PTPN3: variants seen among roughly 807,000 people sequenced by gnomAD.
PTPN3 encodes tyrosine-protein phosphatase non-receptor type 3.
PTPN3 carries 96 observed loss-of-function variants against 132.7 expected under a neutral mutation model. The observed-to-expected ratio is 0.72, with a 90% CI of 0.61 to 0.86. The LOEUF is 0.86. Ranked by LOEUF, PTPN3 falls within the 40% of genes least tolerant of loss-of-function variation. The pLI is 0.00. For synonymous variants in PTPN3, 398 were observed against 429.0 expected (o/e 0.93, Z 0.89); for missense variants, 1,125 against 1,159.6 (o/e 0.97, Z 0.43).
chr9:109,410,999 G>T (rs1343356303), intron 14 of PTPN3, among the ~76,000 whole-genome samples: 1 of 152,160 alleles, frequency 6.6e-6, no homozygotes, highest in African/African-American at 2.4e-5. Context: ...TCTGTATCGT[G>T]GAGCTGCACT....
At chr9:109,530,785 T>C in the PTPN3 span, among the ~76,000 whole-genome samples, 1 of 152,194 alleles carries the variant, frequency 6.6e-6, no homozygotes, top group Non-Finnish European at 1.5e-5. Flanking sequence ...TGATATCTCA[T>C]TGTGGTTTTG....
intron 1 of PTPN3, among the ~76,000 whole-genome samples, chr9:109,463,733 T>G (rs1845962073): frequency 6.6e-6 from 1 of 152,236 alleles, no homozygotes; most frequent in Non-Finnish European, 1.5e-5. Context: ...GGCTTTTAAA[T>G]TTTTATTTAT....
At chr9:109,517,105 G>T in the PTPN3 span, among the ~76,000 whole-genome samples, 1 of 152,128 alleles carries the variant, frequency 6.6e-6, no homozygotes, top group Admixed American at 6.5e-5. Context: ...ACTTTGCCTG[G>T]CCATAGCTGG....
intron 7 of PTPN3, 53 bp downstream of exon 7, chr9:109,445,187 C>T: frequency 1.3e-6 from 2 of 1,559,532 alleles, no homozygotes; most frequent in Non-Finnish European, 1.8e-6. Flanking sequence ...ACTTTCTCCA[C>T]ACACTGATCA....
intron 11 of PTPN3, 28 bp from the exon 12 acceptor site, chr9:109,427,150 C>T (rs758302954): frequency 2.5e-6 from 4 of 1,609,518 alleles, no homozygotes; most frequent in East Asian, 2.2e-5. Flanking sequence ...CAAGATTTCA[C>T]CCACACAGAC....
chr9:109,460,997 AAG>A (rs1845820612), intron 2 of PTPN3, among the ~76,000 whole-genome samples: 1 of 152,242 alleles, frequency 6.6e-6, no homozygotes, highest in Admixed American at 6.5e-5. Flanking sequence ...GAACAGCTCC[AAG>A]ACAGACAAAC....
At chr9:109,440,143 G>C (rs146392480) in intron 7 of PTPN3, among the ~76,000 whole-genome samples, 57 of 152,312 alleles carry the variant, frequency 3.7e-4, no homozygotes, top group African/African-American at 1.2e-3. Flanking sequence ...GCTCAGAACT[G>C]ATCTGTACAG....
In PTPN3 at chr9:109,391,193, G is replaced by T; in HGVS notation, c.2051C>A (p.Thr684Asn). ...ATTTCCCTGCAATAATACCCGGGTG[G>T]TGTCATCTGCGGGGAAGAGAAAAAT... ...NRYKDVLPYDTTRVLLQGNED... is the reference protein window; with the variant it reads ...NRYKDVLPYDNTRVLLQGNED... The change falls in exon 21 of 26, where the codon ACC (threonine) becomes AAC (asparagine). Residue 684 changes from threonine to asparagine, a missense_variant. Physicochemically the swap from Thr to Asn is moderately conservative, Grantham distance 65 (BLOSUM62 0). Coordinates refer to ENST00000374541, the MANE Select transcript of PTPN3 (RefSeq NM_002829.4). 6.2e-7 allele frequency: 1 copy of T among 1,613,008 alleles called. No individual in the cohort carries two copies. Among genetic ancestry groups the T allele is most frequent in the Non-Finnish European group, 8.5e-7 (1 of 1,179,398 alleles).
In PTPN3 at chr9:109,410,421, T is replaced by C. The variant is rs549867944; in HGVS notation, c.1314-6A>G. On this transcript the variant is annotated splice_region_variant and splice_polypyrimidine_tract_variant and intron_variant, in intron 14 of 25. Coordinates refer to ENST00000374541, the MANE Select transcript of PTPN3 (RefSeq NM_002829.4). ...GATTGTTCTCGGATAAACTCCTTCA[T>C]CATGGGGAAGGAGGAGATATTAATA... 8.7e-5 allele frequency: 141 copies of C among 1,612,460 alleles called. No homozygotes were observed. The South Asian group carries it at 1.4e-3, about 16-fold the overall frequency.
At chr9:109,485,321 C>T (rs1319979581) in intron 1 of PTPN3, among the ~76,000 whole-genome samples, 2 of 152,164 alleles carry the variant, frequency 1.3e-5, no homozygotes, top group African/African-American at 4.8e-5. Context: ...TCCTGGCTAA[C>T]AGGTGAAACC....
chr9:109,393,353 A>G (rs1389839476), intron 19 of PTPN3, among the ~76,000 whole-genome samples: 2 of 149,878 alleles, frequency 1.3e-5, no homozygotes, highest in Non-Finnish European at 3.0e-5. Context: ...GAATTACTAT[A>G]CCAAATAATA....
chr9:109,516,693 A>G, the PTPN3 span, among the ~76,000 whole-genome samples: 1 of 152,314 alleles, frequency 6.6e-6, no homozygotes, highest in East Asian at 1.9e-4. Context: ...TATTTTGCTT[A>G]TTTAAAAGAC....
In PTPN3 at chr9:109,450,066, A is replaced by T. The variant is rs780601782; in HGVS notation, c.369-1211T>A. On this transcript the variant is annotated intron_variant, in intron 5 of 25. Transcript: ENST00000374541. ...TCAATTGTGTCTTATTTTAACCTGG[A>T]TGATCATGTTATAAAAAAACTCACT... is the stretch of plus-strand genomic sequence containing the variant. 8.5e-4 allele frequency: 835 copies of T among 984,380 alleles called. 1 individual carries two copies. The highest frequency in any genetic ancestry group is 9.5e-4 in the Non-Finnish European group (787 of 828,980). 61.0% of individuals were successfully genotyped at this position (984,380 alleles called of 1,614,324 possible).
intron 1 of PTPN3, among the ~76,000 whole-genome samples, chr9:109,465,611 A>G (rs1846060651): frequency 6.8e-6 from 1 of 146,192 alleles, no homozygotes; most frequent in South Asian, 2.3e-4. Context: ...CCAGAGGCTG[A>G]GGCAGGAGAA....
chr9:109,405,345 G>C (rs1039262758), intron 18 of PTPN3, among the ~76,000 whole-genome samples: 1 of 152,178 alleles, frequency 6.6e-6, no homozygotes, highest in Admixed American at 6.5e-5. Flanking sequence ...GAGCAGAGCC[G>C]AGGCAGGAGC....
rs760330631 is a variant in PTPN3 at position 109,379,551 on chromosome 9, T to C, written c.*5A>G. Reference sequence around the variant, plus strand: ...GAAAGAGGAATGAACTTTTTCACAGTTGTCTTAACTAGGATCCAGCATTTG... The same window carrying C: ...GAAAGAGGAATGAACTTTTTCACAGCTGTCTTAACTAGGATCCAGCATTTG... On this transcript the variant is annotated 3_prime_UTR_variant, in exon 26 of 26. Coordinates refer to ENST00000374541, the MANE Select transcript of PTPN3 (RefSeq NM_002829.4). 13 of 1,611,374 alleles carry C rather than the reference T, an allele frequency of 8.1e-6. No individual in the cohort carries two copies. The highest frequency in any genetic ancestry group is 1.1e-5 in the Non-Finnish European group (13 of 1,177,506).
intron 2 of PTPN3, among the ~76,000 whole-genome samples, chr9:109,462,481 T>C (rs1845893067): frequency 6.6e-6 from 1 of 152,192 alleles, no homozygotes; most frequent in South Asian, 2.1e-4. Context: ...TTCTGATGTC[T>C]TTCCTTGCAC....
rs1030385462 is a variant in PTPN3 at position 109,376,409 on chromosome 9, C to T, written c.*3147G>A. 1.3e-5 allele frequency: 2 copies of T among 152,118 alleles called. No homozygotes were observed. The highest frequency in any genetic ancestry group is 2.9e-5 in the Non-Finnish European group (2 of 68,034). The allele number at this position is 152,118 out of a possible 1,614,324, so 9.4% of individuals were successfully genotyped here. A position where few individuals can be genotyped will look rare whatever the true frequency, so the allele number is the denominator to read the frequency against. On this transcript the variant is annotated 3_prime_UTR_variant, in exon 26 of 26. Transcript: ENST00000374541. Reference sequence around the variant, plus strand: ...GTAGCAACACAGCAGCAATAGTATCCACACTAATCTAAAAGCATATTTAAA... The same window carrying T: ...GTAGCAACACAGCAGCAATAGTATCTACACTAATCTAAAAGCATATTTAAA...
chr9:109,476,693 GTGGACA>G (rs1233050950), intron 1 of PTPN3, among the ~76,000 whole-genome samples: 2 of 152,200 alleles, frequency 1.3e-5, no homozygotes, highest in African/African-American at 4.8e-5. Flanking sequence ...CCACTCCCAA[GTGGACA>G]TGAACCTGAA....
Sources: allele counts gnomAD v4.1 joint callset (sites outside exome capture counted in the v4.1 genomes callset), GRCh38; gene constraint gnomAD v4.1.1; transcripts MANE v1.5; gene names NCBI Gene and HGNC (gene_info 2026-07-23, HGNC 2026-07-21).